RASA3: variants seen among roughly 807,000 people sequenced by gnomAD.
The protein encoded by RASA3 is ras GTPase-activating protein 3.
RASA3 carries 73 observed loss-of-function variants against 110.0 expected under a neutral mutation model. The ratio of observed to expected loss-of-function variants is 0.66; its 90% CI spans 0.55 to 0.81. The LOEUF is 0.81. Among genes scored for constraint, RASA3 ranks in the 30% least tolerant of loss-of-function variants. The pLI, the probability that RASA3 is intolerant of heterozygous loss-of-function variation, is 0.00. For missense variants in RASA3, 976 were observed against 1,113.2 expected, an observed-to-expected ratio of 0.88 and a Z score of 1.75; for synonymous variants, 500 against 451.4, an observed-to-expected ratio of 1.11 and a Z score of -1.37.
rs565931994 is a variant in RASA3 at position 113,982,501 on chromosome 13, C to T, written c.2246-643G>A. ...CCTGCTGAAGGCCATTCTGGTGCCT[C>T]GCCCCTAGCGGACAGCCATGGAACC... On this transcript the variant is annotated intron_variant, in intron 22 of 23. Coordinates refer to ENST00000334062, the MANE Select transcript of RASA3 (RefSeq NM_007368.4). Among the ~76,000 whole-genome samples the T allele has an allele frequency of 2.6e-5, 4 of 152,388 alleles. No homozygotes were observed. The South Asian group carries it at 8.3e-4, about 32-fold the overall frequency.
chr13:114,004,764 C>G (rs2053477747), intron 18 of RASA3, among the ~76,000 whole-genome samples: 1 of 152,218 alleles, frequency 6.6e-6, no homozygotes, highest in African/African-American at 2.4e-5. Context: ...TTCGATCCAG[C>G]AATCCCACAC....
chr13:114,082,919 C>A (rs561642663), intron 1 of RASA3, among the ~76,000 whole-genome samples: 1 of 152,348 alleles, frequency 6.6e-6, no homozygotes. Context: ...ACTCACAGAG[C>A]TAATTGATTC....
intron 4 of RASA3, among the ~76,000 whole-genome samples, chr13:114,036,716 C>T (rs9562206): frequency 0.71 from 107,772 of 152,000 alleles, 39,028 homozygotes; most frequent in African/African-American, 0.87. Flanking sequence ...TTTGTATTTT[C>T]AGTAGAGACG....
chr13:113,992,445 A>G, intron 22 of RASA3, 40 bp downstream of exon 22: 2 of 1,541,648 alleles, frequency 1.3e-6, no homozygotes, highest in South Asian at 1.1e-5. Flanking sequence ...CTCGCCAGCC[A>G]TCCCCTCGCT....
chr13:114,002,117 A>AGACAGAGTGACTGGAG (rs2053419061), intron 18 of RASA3, among the ~76,000 whole-genome samples: 1 of 152,228 alleles, frequency 6.6e-6, no homozygotes, highest in African/African-American at 2.4e-5. Context: ...GAAAGTGGCC[A>AGACAGAGTGACTGGAG]GACAGAGTGA....
intron 1 of RASA3, among the ~76,000 whole-genome samples, chr13:114,099,004 C>T (rs929085651): frequency 2.0e-5 from 2 of 97,710 alleles, no homozygotes; most frequent in African/African-American, 8.1e-5. Context: ...GCCACCCGAG[C>T]CCCCCAGACC....
chr13:114,012,395 G>A lies in RASA3; in HGVS notation c.1512+747C>T, dbSNP rs369593763. Among the ~76,000 whole-genome samples, 60 of 113,666 alleles carry A rather than the reference G, an allele frequency of 5.3e-4. No homozygotes were observed. The South Asian group carries it at 6.7e-3, about 13-fold the overall frequency. 74.6% of individuals were successfully genotyped at this position (113,666 alleles called of 152,430 possible). Reference sequence around the variant, plus strand: ...ACACCTTCCACACTCCCCGTGCACCGTCCACACACTCCACACACACTCCCC... The same window carrying A: ...ACACCTTCCACACTCCCCGTGCACCATCCACACACTCCACACACACTCCCC... On this transcript the variant is annotated intron_variant, in intron 15 of 23. Coordinates refer to ENST00000334062, the MANE Select transcript of RASA3 (RefSeq NM_007368.4).
At chr13:114,129,434 G>A (rs1182026698) in intron 1 of RASA3, among the ~76,000 whole-genome samples, 1 of 152,200 alleles carries the variant, frequency 6.6e-6, no homozygotes, top group Non-Finnish European at 1.5e-5. Context: ...GAGCTGGAAG[G>A]ACAAAGAAAG....
chr13:114,040,332 C>T (rs1220682905), intron 4 of RASA3, among the ~76,000 whole-genome samples: 14 of 134,038 alleles, frequency 1.0e-4, no homozygotes, highest in South Asian at 5.3e-4. Flanking sequence ...CGGGCGAACA[C>T]GCACAACCCA....
In RASA3 at chr13:114,014,428, C is replaced by T. The variant is rs542069672; in HGVS notation, c.1405+781G>A. 5.3e-5 allele frequency among the ~76,000 whole-genome samples: 8 copies of T among 152,260 alleles called. No individual in the cohort carries two copies. The highest frequency in any genetic ancestry group is 1.9e-4 in the African/African-American group (8 of 41,560). The stretch of plus-strand genomic sequence containing the variant: ...GGACAGCGTTTGTCTCCTGGGGACA[C>T]AGAAGCGTGGACGGCTCTGCAGGAC... On this transcript the variant is annotated intron_variant, in intron 14 of 23. Coordinates refer to ENST00000334062, the MANE Select transcript of RASA3 (RefSeq NM_007368.4). This position sits in a 1 kb window ranked among gnomAD's most constrained non-coding sequence, Gnocchi z 4.5.
intron 8 of RASA3, among the ~76,000 whole-genome samples, chr13:114,023,849 TCTC>T (rs2053977415): frequency 6.6e-6 from 1 of 152,090 alleles, no homozygotes. Context: ...GGGGACAGGG[TCTC>T]CACAGAGGCC....
rs35837223 is a variant in RASA3 at position 114,087,308 on chromosome 13, T to C, written c.56-13471A>G. 1.6e-3 allele frequency among the ~76,000 whole-genome samples: 240 copies of C among 148,030 alleles called. 4 individuals are homozygous for C. Among genetic ancestry groups the C allele is most frequent in the Middle Eastern group, 3.6e-3 (1 of 276 alleles). On this transcript the variant is annotated intron_variant, in intron 1 of 23. Transcript: ENST00000334062. ...GGAAGTGGTGAGTTTGGAGTATCGA[T>C]TCCCTTCGTCCTTGTGGGGAAATCA...
At position 114,075,287 on chromosome 13, in the gene RASA3, C is replaced by T. The variant is rs1487724829; in HGVS notation, c.56-1450G>A. On this transcript the variant is annotated intron_variant, in intron 1 of 23. Coordinates refer to ENST00000334062, the MANE Select transcript of RASA3 (RefSeq NM_007368.4). ...CGCACACGTCATGGCTCACATGGGG[C>T]AGTCGGCTCATTTCAAAGATGCCAG... Among the ~76,000 whole-genome samples the T allele has an allele frequency of 2.6e-5, 4 of 152,342 alleles. No individual in the cohort carries two copies. In the East Asian group the frequency reaches 7.7e-4, roughly 29 times the overall value.
At chr13:114,078,485 GACC>G (rs1419804945) in intron 1 of RASA3, among the ~76,000 whole-genome samples, 1 of 152,222 alleles carries the variant, frequency 6.6e-6, no homozygotes, top group Non-Finnish European at 1.5e-5. Context: ...CAGTTCTCAT[GACC>G]ACTTTTCCCA....
At chr13:114,101,511 C>T (rs2080059955) in intron 1 of RASA3, among the ~76,000 whole-genome samples, 2 of 152,358 alleles carry the variant, frequency 1.3e-5, no homozygotes, top group South Asian at 2.1e-4. Flanking sequence ...CAATCCGAAC[C>T]TGGAGGGGCC....
At chr13:114,019,196 G>A (rs1030189614) in intron 9 of RASA3, among the ~76,000 whole-genome samples, 2 of 152,196 alleles carry the variant, frequency 1.3e-5, no homozygotes, top group Admixed American at 6.5e-5. Flanking sequence ...ACGGGTTTCC[G>A]GGAACCGGCA....
rs376569137 is a variant in RASA3 at position 114,119,992 on chromosome 13, G to A, written c.55+12443C>T. Among the ~76,000 whole-genome samples the A allele has an allele frequency of 8.4e-3, 135 of 16,060 alleles. 3 individuals are homozygous for A. The highest frequency in any genetic ancestry group is 0.012 in the Non-Finnish European group (89 of 7,674). 10.5% of individuals were successfully genotyped at this position (16,060 alleles called of 152,430 possible). ...AGGGCCCCTCCCTCTCTCCAGCCAG[G>A]CGTCGATCAGGGCCCCCCCTCCTCT... On this transcript the variant is annotated intron_variant, in intron 1 of 23. Transcript: ENST00000334062.
At position 113,979,378 on chromosome 13, in the gene RASA3, T is replaced by C; in HGVS notation, c.2474A>G (p.Gln825Arg). The C allele has an allele frequency of 3.7e-6, 6 of 1,607,272 alleles. No individual in the cohort carries two copies. Among genetic ancestry groups the C allele is most frequent in the Non-Finnish European group, 5.1e-6 (6 of 1,174,514 alleles). ...GDKSFQNYIR[Q>R]QSETSTHSI is the part of the protein sequence containing the mutation. ...GGAATGAGTGGAGGTCTCGGACTGC[T>C]GCCGGATGTAGTTCTGGAAGCTCTT... Residue 825 changes from glutamine to arginine, a missense_variant, in exon 24 of 24, where the codon CAG (glutamine) becomes CGG (arginine). Coordinates refer to ENST00000334062, the MANE Select transcript of RASA3 (RefSeq NM_007368.4).
intron 1 of RASA3, among the ~76,000 whole-genome samples, chr13:114,128,126 C>T (rs1352499720): frequency 6.6e-6 from 1 of 152,214 alleles, no homozygotes; most frequent in South Asian, 2.1e-4. Context: ...AATAAAATAT[C>T]CAAGTTAATT....
Sources: gnomAD v4.1 joint callset for allele counts (sites outside exome capture counted in the v4.1 genomes callset) on GRCh38, gnomAD v4.1.1 for gene constraint, Gnocchi (gnomAD v3.1) non-coding constraint, MANE v1.5 for transcripts, NCBI Gene and HGNC (gene_info 2026-07-23, HGNC 2026-07-21) for gene names.